The following A2ML1 variants were observed in gnomAD, a reference collection of about 807,000 sequenced individuals.
The protein encoded by A2ML1 is alpha-2-macroglobulin-like protein 1.
In A2ML1, 161 loss-of-function variants were observed where a neutral mutation model predicts 181.9. The ratio of observed to expected loss-of-function variants is 0.89; its 90% CI spans 0.78 to 1.01. The LOEUF (loss-of-function observed/expected upper bound fraction) is 1.01, where lower values mean the gene tolerates loss of function less well. Ranked by LOEUF, A2ML1 falls within the 50% of genes least tolerant of loss-of-function variation. A2ML1 has a pLI of 0.00. For missense variants in A2ML1, 1,670 were observed against 1,768.1 expected (o/e 0.94, Z 1.00); for synonymous variants, 663 against 666.8 (o/e 0.99, Z 0.09).
At chr12:8,839,277 C>T in intron 10 of A2ML1, 55 bp downstream of exon 10, 1 of 1,320,240 alleles carries the variant, frequency 7.6e-7, no homozygotes, top group African/African-American at 1.4e-5. Context: ...ATCTACTTTG[C>T]CTCCTTCCTG....
At chr12:8,833,061 C>G (rs561011819) in intron 4 of A2ML1, among the ~76,000 whole-genome samples, 33 of 151,584 alleles carry the variant, frequency 2.2e-4, no homozygotes, top group Non-Finnish European at 3.8e-4. Flanking sequence ...GCAACCTCCC[C>G]CTCCTGGGTT....
At chr12:8,874,939 A>G in intron 34 of A2ML1, 32 bp from the exon 35 acceptor site, 1 of 1,612,628 alleles carries the variant, frequency 6.2e-7, no homozygotes, top group Non-Finnish European at 8.5e-7. Context: ...GGAGGCCCTC[A>G]AAGTAATAAT....
intron 33 of A2ML1, among the ~76,000 whole-genome samples, chr12:8,872,243 C>T (rs1944650831): frequency 6.6e-6 from 1 of 150,710 alleles, no homozygotes; most frequent in Admixed American, 6.6e-5. Flanking sequence ...TAGTCATTTG[C>T]TTTAATTCAT....
chr12:8,878,339 T>C (rs1944835342), downstream of A2ML1, among the ~76,000 whole-genome samples: 1 of 152,158 alleles, frequency 6.6e-6, no homozygotes, highest in Non-Finnish European at 1.5e-5. This position sits in a 1 kb window ranked among gnomAD's most constrained non-coding sequence, Gnocchi z 4.4. Flanking sequence ...TGTAATCATG[T>C]CCTTTGCAGC....
In A2ML1 at chr12:8,840,867, A is replaced by G. The variant is rs955856490; in HGVS notation, c.1081-502A>G. 4.0e-5 allele frequency among the ~76,000 whole-genome samples: 6 copies of G among 151,442 alleles called. No individual in the cohort carries two copies. The East Asian group carries it at 1.2e-3, about 29-fold the overall frequency. On this transcript the variant is annotated intron_variant, in intron 10 of 35. Transcript: ENST00000299698. ...GGTTGCAGTGAGCTGAGCTCGTCCC[A>G]CTGCACTCCAGCCTGGGCGACAGAC...
At chr12:8,834,491 G>T (rs964779225) in intron 4 of A2ML1, among the ~76,000 whole-genome samples, 171 bp from the exon 5 acceptor site, 5 of 152,138 alleles carry the variant, frequency 3.3e-5, no homozygotes, top group Admixed American at 3.3e-4. Context: ...CAAGAAGTCT[G>T]TGCCCCCATT....
chr12:8,853,145 C>T (rs1943949162), intron 20 of A2ML1, among the ~76,000 whole-genome samples: 1 of 151,996 alleles, frequency 6.6e-6, no homozygotes, highest in African/African-American at 2.4e-5. Context: ...TAGGCTCATG[C>T]CACCACCATG....
chr12:8,824,232 T>G (rs992828660), intron 3 of A2ML1, among the ~76,000 whole-genome samples: 3 of 147,788 alleles, frequency 2.0e-5, no homozygotes, highest in Non-Finnish European at 4.5e-5. Context: ...GTTTTTTTTT[T>G]TTTTTTTTTT....
chr12:8,833,525 T>A, intron 4 of A2ML1, among the ~76,000 whole-genome samples: 1 of 151,952 alleles, frequency 6.6e-6, no homozygotes, highest in Non-Finnish European at 1.5e-5. Context: ...GCCTCCGGAG[T>A]AGCTGGGGTT....
intron 7 of A2ML1, among the ~76,000 whole-genome samples, chr12:8,883,441 G>A (rs1016234346): frequency 1.3e-5 from 2 of 152,140 alleles, no homozygotes; most frequent in Non-Finnish European, 2.9e-5. Context: ...AAAAGTAACC[G>A]GAAGTCCCTG....
At chr12:8,836,232 A>G in intron 6 of A2ML1, 23 bp from the exon 7 acceptor site, 1 of 1,608,952 alleles carries the variant, frequency 6.2e-7, no homozygotes, top group Non-Finnish European at 8.5e-7. Flanking sequence ...TGCTTTCTCC[A>G]TTTCTCCTTT....
chr12:8,856,998 G>T (rs956385104), intron 23 of A2ML1, among the ~76,000 whole-genome samples, 166 bp from the exon 24 acceptor site: 1 of 149,498 alleles, frequency 6.7e-6, no homozygotes, highest in Non-Finnish European at 1.5e-5. Context: ...CACCCTCCTC[G>T]GCCTCCCATA....
chr12:8,831,827 G>A (rs71447538), intron 4 of A2ML1, among the ~76,000 whole-genome samples: 8,777 of 151,806 alleles, frequency 0.058, 325 homozygotes, highest in Admixed American at 0.092. Flanking sequence ...TCGGCTCGCC[G>A]CAACCTCTGC....
At chr12:8,868,686 T>TA (rs1184022585) in intron 32 of A2ML1, 59 bp downstream of exon 32, 4 of 1,485,276 alleles carry the variant, frequency 2.7e-6, no homozygotes, top group Non-Finnish European at 2.8e-6. Flanking sequence ...CGTTATAATT[T>TA]AAAAAACTGG....
rs993816828 is a variant in A2ML1, at chr12:8,852,128, C to A, written c.2464-82C>A. ...CCCTGGGAAAGAGAGGAGATGTCGGCGTCTCAGCCCCCAGGTTTCCCCAGG... is the reference window on the plus strand; with the variant it reads ...CCCTGGGAAAGAGAGGAGATGTCGGAGTCTCAGCCCCCAGGTTTCCCCAGG... On this transcript the variant is annotated intron_variant, in intron 19 of 35. Transcript: ENST00000299698. The surrounding 1 kb of genome is among the most constrained non-coding windows in gnomAD (Gnocchi z 4.2). The A allele has an allele frequency of 6.3e-7, 1 of 1,589,804 alleles. No individual in the cohort carries two copies. Among genetic ancestry groups the A allele is most frequent in the Non-Finnish European group, 8.6e-7 (1 of 1,165,144 alleles).
chr12:8,882,032 T>G (rs1325607312), intron 7 of A2ML1, among the ~76,000 whole-genome samples: 2 of 150,786 alleles, frequency 1.3e-5, no homozygotes, highest in Middle Eastern at 3.5e-3. Flanking sequence ...AGAAAAAAGT[T>G]TGAGAATGTG....
rs941341478 is a variant in A2ML1, at chr12:8,862,629, C to G, written c.3503-1165C>G. On this transcript the variant is annotated intron_variant, in intron 28 of 35. Transcript: ENST00000299698. Reference sequence around the variant, plus strand: ...CTTCCAGGCAGAAGTGCAGTCTCAGCCTTCATTTATATGAGCGTCATGGCT... The same window carrying G: ...CTTCCAGGCAGAAGTGCAGTCTCAGGCTTCATTTATATGAGCGTCATGGCT... Among the ~76,000 whole-genome samples the G allele has an allele frequency of 2.6e-5, 4 of 152,326 alleles. No individual in the cohort carries two copies. The East Asian group carries it at 7.7e-4, about 29-fold the overall frequency.
intron 8 of A2ML1, 58 bp downstream of exon 8, chr12:8,837,624 G>T: frequency 6.5e-7 from 1 of 1,528,290 alleles, no homozygotes. Context: ...GCTCACGCCT[G>T]TCATCCCAGC....
intron 35 of A2ML1, chr12:8,875,369 C>T (rs1944769039): frequency 5.3e-6 from 1 of 188,348 alleles, no homozygotes; most frequent in South Asian, 1.2e-4. Context: ...TGAGCCACCA[C>T]ACTCAGCCCT....
Sources: gnomAD v4.1 joint callset for allele counts (sites outside exome capture counted in the v4.1 genomes callset) on GRCh38, gnomAD v4.1.1 for gene constraint, Gnocchi (gnomAD v3.1) non-coding constraint, MANE v1.5 for transcripts, NCBI Gene and HGNC (gene_info 2026-07-23, HGNC 2026-07-21) for gene names.